The following TMEM44 variants were observed in gnomAD, a reference collection of about 807,000 sequenced individuals.
TMEM44 encodes the protein transmembrane protein 44.
A neutral mutation model predicts 47.8 loss-of-function variants in TMEM44; 43 were observed. The ratio of observed to expected loss-of-function variants is 0.90; its 90% confidence interval spans 0.70 to 1.16. The LOEUF (loss-of-function observed/expected upper bound fraction) is 1.16. Ranked by LOEUF, TMEM44 falls within the 50% of genes most tolerant of loss-of-function variation. The pLI is 0.00. For missense variants in TMEM44, 568 were observed against 555.2 expected, an observed-to-expected ratio of 1.02 and a Z score of -0.23; for synonymous variants, 277 against 238.8, an observed-to-expected ratio of 1.16 and a Z score of -1.48.
rs186934175 is a variant in TMEM44, at chr3:194,609,310, G to T, written c.1017+1606C>A. Among the ~76,000 whole-genome samples, 276 of 152,270 alleles carry T rather than the reference G, an allele frequency of 1.8e-3. 1 individual carries two copies. The highest frequency in any genetic ancestry group is 2.1e-3 in the East Asian group (11 of 5,168). ...TGGTGTGCAGAGCGAGGGGACTGTG[G>T]GACTGCAGGGCCCACCAGGAGCAGG... On this transcript the variant is annotated intron_variant, in intron 8 of 9. Transcript: ENST00000347147.
chr3:194,632,286 C>T (rs187713172), intron 1 of TMEM44, among the ~76,000 whole-genome samples: 34 of 152,286 alleles, frequency 2.2e-4, no homozygotes, highest in Admixed American at 4.6e-4. Flanking sequence ...CTCTGCAATA[C>T]GACCAAACGC....
chr3:194,620,045 C>A (rs563429712), intron 5 of TMEM44, among the ~76,000 whole-genome samples: 3 of 152,238 alleles, frequency 2.0e-5, no homozygotes, highest in African/African-American at 7.2e-5. Context: ...AATCCCAGCA[C>A]TTTGGAAGGC....
At chr3:194,622,129 C>G (rs1378347381) in intron 5 of TMEM44, among the ~76,000 whole-genome samples, 1 of 152,254 alleles carries the variant, frequency 6.6e-6, no homozygotes, top group African/African-American at 2.4e-5. Context: ...CTTGGCAGAG[C>G]AGCGGTCACA....
intron 2 of TMEM44, 117 bp downstream of exon 2, chr3:194,628,266 C>T: frequency 7.4e-7 from 1 of 1,358,818 alleles, no homozygotes; most frequent in Admixed American, 2.5e-5. Flanking sequence ...TCTGAGGTGA[C>T]ACTGTGCTAT....
chr3:194,596,602 A>G (rs1223411799), intron 9 of TMEM44, among the ~76,000 whole-genome samples: 1 of 151,860 alleles, frequency 6.6e-6, no homozygotes, highest in African/African-American at 2.4e-5. Context: ...GACCAGCCTG[A>G]CCAACAGGGA....
Position 194,633,195 on chromosome 3 carries a change from G to A in TMEM44, c.21C>T (p.Pro7=). 6.7e-7 allele frequency: 1 copy of A among 1,500,322 alleles called. No individual in the cohort carries two copies. Among genetic ancestry groups the A allele is most frequent in the Non-Finnish European group, 8.9e-7 (1 of 1,124,470 alleles). The allele number at this position is 1,500,322 out of a possible 1,614,324, so 92.9% of individuals were successfully genotyped here. ...AGTCCCAGTCCCAGAGCGCGGGCGC[G>A]GGGCTGGGCGCCTCCCCCATGGCGC... MGEAPS[P]APALWDWDYL... Residue 7 remains proline (P), a synonymous_variant, in exon 1 of 10, where the codon CCC becomes CCT. Coordinates refer to ENST00000347147, the MANE Select transcript of TMEM44 (RefSeq NM_001011655.3).
chr3:194,619,414 G>A (rs6768976), intron 5 of TMEM44, among the ~76,000 whole-genome samples: 57,127 of 151,898 alleles, frequency 0.38, 11,466 homozygotes, highest in East Asian at 0.75. Flanking sequence ...GATGGAGGTC[G>A]GCAGCACGCC....
At chr3:194,597,649 C>CA (rs532223669) in intron 9 of TMEM44, among the ~76,000 whole-genome samples, 5,220 of 99,710 alleles carry the variant, frequency 0.052, 143 homozygotes, top group African/African-American at 0.086. Flanking sequence ...GACTCTGTCT[C>CA]AAAAAAAAAA....
chr3:194,632,150 C>A (rs1166008445), intron 1 of TMEM44, among the ~76,000 whole-genome samples: 1 of 152,174 alleles, frequency 6.6e-6, no homozygotes, highest in East Asian at 1.9e-4. Flanking sequence ...CAGCACCTAC[C>A]TCCTGGTGCT....
In TMEM44 at chr3:194,633,204, C is replaced by A. The variant is rs779842338; in HGVS notation, c.12G>T (p.Ala4=). The change falls in exon 1 of 10, where the codon GCG becomes GCT. Residue 4 remains alanine, a synonymous_variant. Coordinates refer to ENST00000347147, the MANE Select transcript of TMEM44 (RefSeq NM_001011655.3). ...CCCAGAGCGCGGGCGCGGGGCTGGG[C>A]GCCTCCCCCATGGCGCGGCTGGGCG... is the stretch of plus-strand genomic sequence containing the variant. MGE[A]PSPAPALWDW... 3.1e-3 allele frequency: 4,594 copies of A among 1,484,350 alleles called. 10 individuals carry two copies. The highest frequency in any genetic ancestry group is 3.7e-3 in the Non-Finnish European group (4,173 of 1,116,156). 91.9% of individuals were successfully genotyped at this position (1,484,350 alleles called of 1,614,324 possible). A position where few individuals can be genotyped will look rare whatever the true frequency, so the allele number is the denominator to read the frequency against.
rs909258690 is a variant in TMEM44 at position 194,611,147 on chromosome 3, C to T, written c.913-127G>A. ...TTTCTCTCTCTCTTTTTTAACGGCA[C>T]GTCTCACTTTCTGCTTCCTATAAGA... On this transcript the variant is annotated intron_variant, in intron 7 of 9. Transcript: ENST00000347147. The surrounding 1 kb of genome is among the most constrained non-coding windows in gnomAD (Gnocchi z 4.2). 7.0e-5 allele frequency: 50 copies of T among 709,624 alleles called. No individual in the cohort carries two copies. Among genetic ancestry groups the T allele is most frequent in the African/African-American group, 4.2e-4 (24 of 56,860 alleles). 44.0% of individuals were successfully genotyped at this position (709,624 alleles called of 1,614,324 possible). A position where few individuals can be genotyped will look rare whatever the true frequency, so the allele number is the denominator to read the frequency against.
At chr3:194,629,752 C>T (rs542507283) in intron 1 of TMEM44, among the ~76,000 whole-genome samples, 1 of 78,862 alleles carries the variant, frequency 1.3e-5, no homozygotes, top group East Asian at 4.7e-4. Context: ...TTTCCATCGG[C>T]GTCACTGATA....
At chr3:194,624,986 GGATTAC>G (rs1716985326) in intron 3 of TMEM44, among the ~76,000 whole-genome samples, 1 of 152,126 alleles carries the variant, frequency 6.6e-6, no homozygotes, top group Admixed American at 6.6e-5. Context: ...CAAAGTGCTG[GGATTAC>G]AGGTGTGGGC....
chr3:194,633,141 G>A lies in TMEM44; in HGVS notation c.75C>T (p.Arg25=), dbSNP rs1385447223. The change falls in exon 1 of 10, where the codon CGC becomes CGT. Residue 25 remains arginine (R), a synonymous_variant. Coordinates refer to ENST00000347147, the MANE Select transcript of TMEM44 (RefSeq NM_001011655.3). ...TCCACAGGCCGAAGGAGATGCAGAC[G>A]CGGTGGCGGGCGAAGCAGCGGTCCA... ...DYLDRCFARH[R]VCISFGLWIC... is the part of the protein sequence containing the mutation. 6.4e-7 allele frequency: 1 copy of A among 1,550,812 alleles called. No homozygotes were observed. The highest frequency in any genetic ancestry group is 1.4e-5 in the African/African-American group (1 of 73,128).
rs146339259 is a variant in TMEM44 at position 194,588,465 on chromosome 3, C to T, written c.*64G>A. 3.0e-4 allele frequency: 440 copies of T among 1,448,892 alleles called. 1 individual carries two copies. In the African/African-American group the frequency reaches 4.3e-3, roughly 14 times the overall value. 89.8% of individuals were successfully genotyped at this position (1,448,892 alleles called of 1,614,324 possible). A position where few individuals can be genotyped will look rare whatever the true frequency, so the allele number is the denominator to read the frequency against. On this transcript the variant is annotated 3_prime_UTR_variant, in exon 10 of 10. Coordinates refer to ENST00000347147, the MANE Select transcript of TMEM44 (RefSeq NM_001011655.3). ...CGCGGTGTCAGTGCAGATTGATTCC[C>T]GCTGCGTTACTGAACGAACTCCTGA...
At chr3:194,591,366 C>T (rs922344541) in intron 9 of TMEM44, among the ~76,000 whole-genome samples, 3 of 151,912 alleles carry the variant, frequency 2.0e-5, no homozygotes, top group Admixed American at 6.6e-5. Flanking sequence ...TGGTGACAGG[C>T]GCCTATAATC....
intron 7 of TMEM44, among the ~76,000 whole-genome samples, chr3:194,613,510 G>A (rs1033529561): frequency 2.8e-4 from 42 of 149,700 alleles, no homozygotes; most frequent in African/African-American, 8.8e-4. Flanking sequence ...GTTTTTTTTC[G>A]AGACGGAGTT....
intron 1 of TMEM44, among the ~76,000 whole-genome samples, chr3:194,630,467 G>A (rs538782143): frequency 1.9e-4 from 5 of 26,786 alleles, no homozygotes; most frequent in African/African-American, 7.4e-4. Flanking sequence ...TGTTTCCATC[G>A]GCGTCACTGA....
chr3:194,628,344 T>A (rs753123303), intron 2 of TMEM44, 39 bp downstream of exon 2: 1 of 1,594,684 alleles, frequency 6.3e-7, no homozygotes, highest in Admixed American at 1.7e-5. Context: ...CCTCCCTTAG[T>A]GCTGGCCTAA....
Sources: gnomAD v4.1 joint callset for allele counts (sites outside exome capture counted in the v4.1 genomes callset) on GRCh38, gnomAD v4.1.1 for gene constraint, Gnocchi (gnomAD v3.1) non-coding constraint, MANE v1.5 for transcripts, NCBI Gene and HGNC (gene_info 2026-07-23, HGNC 2026-07-21) for gene names.